ING5: variants seen among roughly 807,000 people sequenced by gnomAD.
ING5 encodes the protein inhibitor of growth protein 5.
Under a neutral mutation model 37.4 loss-of-function variants are expected in ING5, and 17 were observed. The observed-to-expected ratio is 0.45, with a 90% CI of 0.31 to 0.68. The LOEUF (loss-of-function observed/expected upper bound fraction) is 0.68, where lower values mean the gene tolerates loss of function less well. Ranked by LOEUF, ING5 falls within the 30% of genes least tolerant of loss-of-function variation. The pLI, the probability that ING5 is intolerant of heterozygous loss-of-function variation, is 0.05. For missense variants in ING5, 233 were observed against 311.9 expected (o/e 0.75, Z 1.91); for synonymous variants, 123 against 116.6 (o/e 1.06, Z -0.36).
At chr2:241,704,419 C>T (rs1224873491) in intron 1 of ING5, among the ~76,000 whole-genome samples, 5 of 151,996 alleles carry the variant, frequency 3.3e-5, no homozygotes, top group African/African-American at 1.2e-4. Flanking sequence ...AATACAAAAA[C>T]TAGCCGGGCA....
chr2:241,711,280 G>T, intron 3 of ING5, 97 bp from the exon 4 acceptor site: 1 of 779,802 alleles, frequency 1.3e-6, no homozygotes, highest in South Asian at 2.7e-5. Context: ...TCAATTAAAG[G>T]GCAAGAAGGT....
chr2:241,716,560 G>A (rs992771362), intron 5 of ING5, among the ~76,000 whole-genome samples: 1 of 152,066 alleles, frequency 6.6e-6, no homozygotes, highest in African/African-American at 2.4e-5. Context: ...CTCCCAAAGT[G>A]CTAGGATTAC....
chr2:241,703,358 G>A (rs2124878402), intron 1 of ING5, among the ~76,000 whole-genome samples: 1 of 152,282 alleles, frequency 6.6e-6, no homozygotes, highest in East Asian at 1.9e-4. Flanking sequence ...AAGACTGGAG[G>A]AGGCAGCCCC....
chr2:241,722,865 A>T, intron 5 of ING5, 74 bp from the exon 6 acceptor site: 1 of 1,589,436 alleles, frequency 6.3e-7, no homozygotes, highest in Non-Finnish European at 8.6e-7. Flanking sequence ...TCAGAGACAG[A>T]AGGGCCCGTG....
intron 2 of ING5, among the ~76,000 whole-genome samples, chr2:241,696,418 C>G (rs554369388): frequency 1.3e-5 from 2 of 151,446 alleles, no homozygotes; most frequent in African/African-American, 4.9e-5. Flanking sequence ...CAAAAACCCC[C>G]CAAAACAAAA....
chr2:241,687,930 G>A (rs958175050), exon 1 of ING5: 3 of 152,216 alleles, frequency 2.0e-5, no homozygotes, highest in African/African-American at 4.8e-5. Flanking sequence ...TGTGGGTCAT[G>A]ATGATAATAG....
chr2:241,712,036 G>A lies in ING5; in HGVS notation c.447G>A (p.Glu149=). 6.2e-7 allele frequency: 1 copy of A among 1,612,688 alleles called. No homozygotes were observed. Among genetic ancestry groups the A allele is most frequent in the East Asian group, 2.2e-5 (1 of 44,868 alleles). The change falls in exon 5 of 8, where the codon GAG becomes GAA. Residue 149 remains glutamate (E), a synonymous_variant. Coordinates refer to ENST00000313552, the MANE Select transcript of ING5 (RefSeq NM_032329.6). ...GSRGRGRRTS[E]EDTPKKKKHK... is the part of the protein sequence containing the mutation. ...GGGGCCGAGGCAGGAGGACATCAGA[G>A]GAAGACACACCAAAGAAAAAGAAGC...
intron 1 of ING5, among the ~76,000 whole-genome samples, chr2:241,702,510 CGGGGCTCCGGGCCTTG>C (rs532236222): frequency 0.1 from 15,419 of 152,052 alleles, 789 homozygotes; most frequent in South Asian, 0.13. Context: ...GCGCCCGCTG[CGGGGCTCCGGGCCTTG>C]GGGGCTCCGG....
chr2:241,719,461 G>T, intron 5 of ING5: 1 of 1,181,376 alleles, frequency 8.5e-7, no homozygotes, highest in Non-Finnish European at 1.2e-6. Context: ...TGACTTGCTG[G>T]GTTTTGTGTT....
chr2:241,722,882 G>C (rs1237053065), intron 5 of ING5, 57 bp from the exon 6 acceptor site: 26 of 1,604,484 alleles, frequency 1.6e-5, no homozygotes, highest in South Asian at 2.2e-5. Flanking sequence ...CGTGGTGTCC[G>C]TGCCGCCTCA....
intron 5 of ING5, chr2:241,721,905 A>T: frequency 3.0e-6 from 3 of 985,634 alleles, no homozygotes; most frequent in Non-Finnish European, 3.6e-6. Flanking sequence ...GGAGGCATAG[A>T]CGGGGTGGAA....
chr2:241,704,509 A>C (rs1263755201), intron 1 of ING5, 144 bp from the exon 2 acceptor site: 1 of 642,486 alleles, frequency 1.6e-6, no homozygotes, highest in African/African-American at 1.8e-5. Flanking sequence ...TGTAGGTTGC[A>C]GTGAGCCAAG....
intron 2 of ING5, among the ~76,000 whole-genome samples, chr2:241,693,531 C>A (rs897924734): frequency 2.0e-5 from 3 of 151,774 alleles, no homozygotes; most frequent in African/African-American, 7.3e-5. Flanking sequence ...ACCAGGCAGA[C>A]GATGGCAAGG....
At chr2:241,696,741 C>T (rs1056116231) in intron 2 of ING5, among the ~76,000 whole-genome samples, 4 of 152,138 alleles carry the variant, frequency 2.6e-5, no homozygotes, top group Non-Finnish European at 5.9e-5. Context: ...CATGATTGTG[C>T]CACTGCACTT....
At chr2:241,688,282 A>G (rs954559328) in intron 1 of ING5, among the ~76,000 whole-genome samples, 2 of 143,444 alleles carry the variant, frequency 1.4e-5, no homozygotes, top group East Asian at 3.9e-4. Context: ...CCAGAAATAT[A>G]GATGAAATTC....
intron 5 of ING5, among the ~76,000 whole-genome samples, chr2:241,715,517 C>A (rs1032866110): frequency 7.7e-6 from 1 of 129,498 alleles, no homozygotes; most frequent in Non-Finnish European, 1.6e-5. Context: ...GAGCCTCACT[C>A]TGTTGCCCAG....
chr2:241,721,361 G>C (rs1429906220), intron 5 of ING5: 2 of 985,406 alleles, frequency 2.0e-6, no homozygotes, highest in African/African-American at 1.7e-5. Context: ...GCTCTAAAGA[G>C]AAACCCCTGT....
chr2:241,706,590 A>C (rs1256087166), intron 2 of ING5, among the ~76,000 whole-genome samples: 3 of 142,254 alleles, frequency 2.1e-5, no homozygotes, highest in African/African-American at 7.8e-5. Flanking sequence ...GCACCATTGC[A>C]CTCCACCCTG....
rs1297165239 is a variant in ING5, at chr2:241,702,098, G to A, written c.33G>A (p.Leu11=). The A allele has an allele frequency of 7.4e-7, 1 of 1,354,912 alleles. No individual in the cohort carries two copies. Among genetic ancestry groups the A allele is most frequent in the Non-Finnish European group, 9.6e-7 (1 of 1,045,532 alleles). The allele number at this position is 1,354,912 out of a possible 1,614,324, so 83.9% of individuals were successfully genotyped here. The change falls in exon 1 of 8, where the codon CTG becomes CTA. Residue 11 remains leucine (L), a synonymous_variant. Transcript: ENST00000313552. The stretch of plus-strand genomic sequence containing the variant: ...CCGCCATGTACTTGGAGCACTATCT[G>A]GACAGTAAGCGCGCCCCACGGGCCC... MATAMYLEHY[L]DSIENLPCEL...
Sources: allele counts gnomAD v4.1 joint callset (sites outside exome capture counted in the v4.1 genomes callset), GRCh38; gene constraint gnomAD v4.1.1; transcripts MANE v1.5; gene names NCBI Gene and HGNC (gene_info 2026-07-23, HGNC 2026-07-21).